The following PCDHGB1 variants were observed in gnomAD, a reference collection of about 807,000 sequenced individuals.
PCDHGB1 encodes protocadherin gamma-B1.
In PCDHGB1, 34 loss-of-function variants were observed where a neutral mutation model predicts 56.6. The observed-to-expected ratio is 0.60, with a 90% CI of 0.46 to 0.80. The LOEUF (loss-of-function observed/expected upper bound fraction) is 0.80. Among genes scored for constraint, PCDHGB1 ranks in the 30% least tolerant of loss-of-function variants. The pLI is 0.00. For synonymous variants in PCDHGB1, 561 were observed against 505.9 expected (o/e 1.11, Z -1.46); for missense variants, 1,278 against 1,204.6 (o/e 1.06, Z -0.90).
chr5:141,409,862 G>A (rs1359567076), intron 1 of PCDHGB1: 19 of 1,612,352 alleles, frequency 1.2e-5, no homozygotes, highest in Non-Finnish European at 1.5e-5. Flanking sequence ...GTTGGTGGGA[G>A]ACCGCAATGA....
chr5:141,465,502 G>A (rs948827391), intron 1 of PCDHGB1, among the ~76,000 whole-genome samples: 6 of 152,268 alleles, frequency 3.9e-5, no homozygotes, highest in Admixed American at 2.0e-4. Context: ...GAGCATTGTC[G>A]TGGTCAGGAA....
intron 1 of PCDHGB1, among the ~76,000 whole-genome samples, chr5:141,373,754 ATAT>A (rs1224910859): frequency 6.6e-6 from 1 of 152,230 alleles, no homozygotes; most frequent in Non-Finnish European, 1.5e-5. Context: ...GGGGAGGGAA[ATAT>A]TATGAGTGTC....
intron 1 of PCDHGB1, chr5:141,419,816 C>T (rs910172118): frequency 1.2e-6 from 2 of 1,614,058 alleles, no homozygotes; most frequent in Non-Finnish European, 8.5e-7. Context: ...AGGACAGCCA[C>T]CCCTTTCAGC....
rs1180338147 is a variant in PCDHGB1 at position 141,352,271 on chromosome 5, C to T, written c.2011C>T (p.Leu671Phe). The T allele has an allele frequency of 6.2e-7, 1 of 1,613,978 alleles. No individual in the cohort carries two copies. Among genetic ancestry groups the T allele is most frequent in the Non-Finnish European group, 8.5e-7 (1 of 1,179,912 alleles). Residue 671 changes from leucine to phenylalanine, a missense_variant, in exon 1 of 4, where the codon CTC becomes TTC. Transcript: ENST00000523390. ...ADSLQEVLPD[L>F]SDRPEPSDPQ... Reference sequence around the variant, plus strand: ...TAGCCTGCAAGAGGTATTGCCAGACCTCAGCGACCGCCCTGAGCCCTCTGA... The same window carrying T: ...TAGCCTGCAAGAGGTATTGCCAGACTTCAGCGACCGCCCTGAGCCCTCTGA...
intron 1 of PCDHGB1, chr5:141,411,352 C>T (rs1002274073): frequency 2.6e-5 from 4 of 152,176 alleles, no homozygotes; most frequent in African/African-American, 9.7e-5. Flanking sequence ...GAAAGTATCA[C>T]TTGAGCCCAA....
intron 1 of PCDHGB1, chr5:141,393,778 A>G (rs756686929): frequency 1.2e-5 from 20 of 1,613,954 alleles, no homozygotes; most frequent in Non-Finnish European, 1.7e-5. Flanking sequence ...ATACAAGCCG[A>G]AGATGTGGGG....
intron 1 of PCDHGB1, among the ~76,000 whole-genome samples, chr5:141,387,209 T>C (rs911946032): frequency 1.3e-5 from 2 of 152,170 alleles, no homozygotes; most frequent in African/African-American, 4.8e-5. Flanking sequence ...ACTGATACTC[T>C]CCGGAAAAAG....
chr5:141,398,803 A>C (rs551301850), intron 1 of PCDHGB1: 2 of 1,613,960 alleles, frequency 1.2e-6, no homozygotes, highest in African/African-American at 2.7e-5. Context: ...AAGCGGCACC[A>C]CTGAGCTCCG....
intron 2 of PCDHGB1, among the ~76,000 whole-genome samples, chr5:141,496,767 T>C (rs2099771224): frequency 6.6e-6 from 1 of 152,040 alleles, no homozygotes; most frequent in Non-Finnish European, 1.5e-5. Flanking sequence ...ATCGAGCATC[T>C]ACTATGAGCA....
Position 141,361,680 on chromosome 5 carries a change from C to G in PCDHGB1, c.2409+9011C>G, listed in dbSNP as rs369369005. On this transcript the variant is annotated intron_variant, in intron 1 of 3. Transcript: ENST00000523390. ...TGAGCGCGCAGAGCGGGGTGGTGTT[C>G]GCGCAGCGCGCCTTCGATCATGAGC... The G allele has an allele frequency of 6.8e-6, 11 of 1,613,576 alleles. No individual in the cohort carries two copies. The South Asian group carries it at 1.2e-4, about 18-fold the overall frequency.
intron 1 of PCDHGB1, chr5:141,415,740 GTTTTTT>G (rs57426385): frequency 0.053 from 32,266 of 613,620 alleles, 66 homozygotes; most frequent in South Asian, 0.061. Flanking sequence ...GTTTATTAAG[GTTTTTT>G]TTTTTTTTTT....
At chr5:141,376,357 A>C (rs769629850) in intron 1 of PCDHGB1, 24 of 1,613,894 alleles carry the variant, frequency 1.5e-5, no homozygotes, top group Admixed American at 1.0e-4. Context: ...ACGAGGTCTC[A>C]CTCACTGCAG....
chr5:141,375,144 G>C lies in PCDHGB1; in HGVS notation c.2409+22475G>C, dbSNP rs747224962. On this transcript the variant is annotated intron_variant, in intron 1 of 3. Transcript: ENST00000523390. Reference sequence around the variant, plus strand: ...GAAGTGGTTGTTACATCTGGAAGCAGAACAATTGCTGAAAGTGCACCTCCA... The same window carrying C: ...GAAGTGGTTGTTACATCTGGAAGCACAACAATTGCTGAAAGTGCACCTCCA... 18 of 1,613,936 alleles carry C rather than the reference G, an allele frequency of 1.1e-5. No individual in the cohort carries two copies. The South Asian group carries it at 1.4e-4, about 13-fold the overall frequency.
chr5:141,433,091 A>G (rs1344906248), intron 1 of PCDHGB1: 2 of 1,614,182 alleles, frequency 1.2e-6, no homozygotes, highest in African/African-American at 1.3e-5. Flanking sequence ...CTATGCAGAC[A>G]TGCTCGTCAG....
intron 1 of PCDHGB1, among the ~76,000 whole-genome samples, chr5:141,438,921 C>T (rs1204218608): frequency 6.6e-6 from 1 of 151,970 alleles, no homozygotes; most frequent in Non-Finnish European, 1.5e-5. Context: ...CTGCCTTGGC[C>T]TCCCAAAGTG....
rs759642890 is a variant in PCDHGB1 at position 141,389,812 on chromosome 5, C to A, written c.2409+37143C>A. ...GCCGTCCGCCAGCGCCTTCTGGTCG[C>A]CGTGCGTGACGGTGGACAGCCACCA... On this transcript the variant is annotated intron_variant, in intron 1 of 3. Transcript: ENST00000523390. 6.8e-6 allele frequency: 11 copies of A among 1,613,768 alleles called. No individual in the cohort carries two copies. The South Asian group carries it at 1.2e-4, about 18-fold the overall frequency.
At chr5:141,433,068 T>G (rs1296504554) in intron 1 of PCDHGB1, 1 of 1,613,900 alleles carries the variant, frequency 6.2e-7, no homozygotes, top group South Asian at 1.1e-5. Context: ...CACCTGATCT[T>G]CCCCCAGCCC....
At chr5:141,445,900 T>C (rs2098480876) in intron 1 of PCDHGB1, among the ~76,000 whole-genome samples, 1 of 152,224 alleles carries the variant, frequency 6.6e-6, no homozygotes, top group African/African-American at 2.4e-5. Flanking sequence ...TATTAAAATA[T>C]TTTAAACAAG....
chr5:141,456,888 G>A (rs376401806), intron 1 of PCDHGB1, among the ~76,000 whole-genome samples: 5 of 152,118 alleles, frequency 3.3e-5, no homozygotes, highest in Admixed American at 1.3e-4. Context: ...GCTTGAACCC[G>A]GGAGGCAGAG....
Sources: gnomAD v4.1 joint callset for allele counts (sites outside exome capture counted in the v4.1 genomes callset) on GRCh38, gnomAD v4.1.1 for gene constraint, MANE v1.5 for transcripts, NCBI Gene and HGNC (gene_info 2026-07-23, HGNC 2026-07-21) for gene names.